Variants in ATP1A3 observed in about 807,000 individuals in gnomAD.
The protein encoded by ATP1A3 is ATPase Na+/K+ transporting subunit alpha 3.
In ATP1A3, 12 loss-of-function variants were observed where a neutral mutation model predicts 108.8. That is an observed-to-expected ratio of 0.11 (90% CI 0.07 to 0.18). The LOEUF is 0.18. Among genes scored for constraint, ATP1A3 ranks in the 10% least tolerant of loss-of-function variants. The pLI, the probability that ATP1A3 is intolerant of heterozygous loss-of-function variation, is 1.00. For synonymous variants in ATP1A3, 539 were observed against 564.5 expected (o/e 0.95, Z 0.64); for missense variants, 498 against 1,387.7 (o/e 0.36, Z 10.19).
intron 16 of ATP1A3, among the ~76,000 whole-genome samples, chr19:41,971,900 A>G (rs914414451): frequency 6.6e-6 from 1 of 152,184 alleles, no homozygotes; most frequent in African/African-American, 2.4e-5. Context: ...CACTGTATGC[A>G]TGCCATATCT....
chr19:41,971,418 A>G (rs1307749152), intron 16 of ATP1A3, among the ~76,000 whole-genome samples: 2 of 152,120 alleles, frequency 1.3e-5, no homozygotes, highest in African/African-American at 4.8e-5. Flanking sequence ...AAAAGAGAGG[A>G]GGACTGTTTA....
Position 41,988,692 on chromosome 19 carries a change from T to C in ATP1A3, c.7-130A>G, listed in dbSNP as rs1382350265. ...TGCCCCTGCATCTCTGGGTGGGGGG[T>C]CTCTGTCTGCCTCTCGGGGTCTCCC... On this transcript the variant is annotated intron_variant, in intron 1 of 22. Transcript: ENST00000648268. This position sits in a 1 kb window ranked among gnomAD's most constrained non-coding sequence, Gnocchi z 5.3. 1 of 1,566,542 alleles carries C rather than the reference T, an allele frequency of 6.4e-7. No homozygotes were observed. The highest frequency in any genetic ancestry group is 8.6e-7 in the Non-Finnish European group (1 of 1,159,184).
rs879984755 is a variant in ATP1A3, at chr19:41,969,531, T to A, written c.2592A>T (p.Ala864=). 7 of 1,613,956 alleles carry A rather than the reference T, an allele frequency of 4.3e-6. No individual in the cohort carries two copies. The highest frequency in any genetic ancestry group is 5.9e-6 in the Non-Finnish European group (7 of 1,180,000). ...GGTTGCCGGGCAAGAAGCCATTTTC[T>A]GCCAGGATCACAAAGTAAGAGAAGA... ...GGFFSYFVIL[A]ENGFLPGNLV... Residue 864 remains alanine, a synonymous_variant, in exon 19 of 23, where the codon GCA becomes GCT. Coordinates refer to ENST00000648268, the MANE Select transcript of ATP1A3 (RefSeq NM_152296.5).
chr19:41,970,115 C>A, intron 18 of ATP1A3, 70 bp downstream of exon 18: 1 of 1,613,378 alleles, frequency 6.2e-7, no homozygotes. Flanking sequence ...TCCCAAGCAC[C>A]CACGGTGGGC....
At position 41,970,558 on chromosome 19, in the gene ATP1A3, G is replaced by A. The variant is rs149116776; in HGVS notation, c.2264-16C>T. 0.016 allele frequency: 25,448 copies of A among 1,613,742 alleles called. 231 individuals carry two copies. Among genetic ancestry groups the A allele is most frequent in the Non-Finnish European group, 0.018 (21,577 of 1,179,890 alleles). On this transcript the variant is annotated splice_polypyrimidine_tract_variant and intron_variant, in intron 16 of 22. Transcript: ENST00000648268. ...ATCAGGCGGCCTGTGGCACAGGCAG[G>A]CTCAGAGCAGGCGCCCATGCCAGGG...
At chr19:41,969,402 G>A (rs2075078316) in intron 19 of ATP1A3, 33 bp downstream of exon 19, 10 of 1,614,084 alleles carry the variant, frequency 6.2e-6, no homozygotes, top group Non-Finnish European at 7.6e-6. Flanking sequence ...GGATCTTACG[G>A]TGGGCAGAGA....
chr19:41,967,286 G>C lies in ATP1A3; in HGVS notation c.2976C>G (p.Asp992Glu). ...FPYSFLIFVYDEIRKLILRRN... is the reference protein window; with the variant it reads ...FPYSFLIFVYEEIRKLILRRN... ...TGCGCAGGATGAGTTTGCGGATTTC[G>C]TCGTAGACGAAGATGAGGAAACTGT... Residue 992 changes from aspartate to glutamate, a missense_variant, in exon 22 of 23, where the codon GAC becomes GAG. Asp to Glu is a conservative substitution (Grantham distance 45). Coordinates refer to ENST00000648268, the MANE Select transcript of ATP1A3 (RefSeq NM_152296.5). This position sits in a 1 kb window ranked among gnomAD's most constrained non-coding sequence, Gnocchi z 4.2. 6.2e-7 allele frequency: 1 copy of C among 1,613,656 alleles called. No individual in the cohort carries two copies.
rs552859745 is a variant in ATP1A3, at chr19:41,977,874, G to A, written c.1943+62C>T. ...GTGCAGAGGGAGGTTGGGGGGAAGC[G>A]GTCCCCCTGTGTCAACACCCTAGAG... On this transcript the variant is annotated intron_variant, in intron 14 of 22. Coordinates refer to ENST00000648268, the MANE Select transcript of ATP1A3 (RefSeq NM_152296.5). 1.1e-4 allele frequency: 173 copies of A among 1,589,382 alleles called. 2 individuals carry two copies. The highest frequency in any genetic ancestry group is 6.1e-4 in the South Asian group (54 of 89,028).
Position 41,972,804 on chromosome 19 carries a change from G to GGGAAGGAAGGAAGGAA in ATP1A3, c.2264-2278_2264-2263dup, listed in dbSNP as rs782125486. Reference sequence around the variant, plus strand: ...GGGGAGGGGGAAGGAAGGAAGGAAGGGGAAGGAAGGAAGGAAGGAAGGAAG... The same window carrying GGGAAGGAAGGAAGGAA: ...GGGGAGGGGGAAGGAAGGAAGGAAGGGGAAGGAAGGAAGGAAGGAAGGAAGGAAGGAAGGAAGGAAG... On this transcript the variant is annotated intron_variant, in intron 16 of 22. Coordinates refer to ENST00000648268, the MANE Select transcript of ATP1A3 (RefSeq NM_152296.5). Among the ~76,000 whole-genome samples the GGGAAGGAAGGAAGGAA allele has an allele frequency of 6.5e-3, 490 of 74,904 alleles. 5 individuals are homozygous for GGGAAGGAAGGAAGGAA. Among genetic ancestry groups the GGGAAGGAAGGAAGGAA allele is most frequent in the Non-Finnish European group, 7.6e-3 (288 of 37,962 alleles). 49.1% of individuals were successfully genotyped at this position (74,904 alleles called of 152,430 possible).
chr19:41,978,472 C>T lies in ATP1A3; in HGVS notation c.1630+134G>A. On this transcript the variant is annotated intron_variant, in intron 12 of 22. Coordinates refer to ENST00000648268, the MANE Select transcript of ATP1A3 (RefSeq NM_152296.5). The surrounding 1 kb of genome is among the most constrained non-coding windows in gnomAD (Gnocchi z 8.3). ...CATTTCCTAGGATACCTTCCCCTCT[C>T]ATCCATCCATTCATTCATTCATTCA... The T allele has an allele frequency of 2.0e-6, 3 of 1,484,390 alleles. No homozygotes were observed. The highest frequency in any genetic ancestry group is 1.8e-6 in the Non-Finnish European group (2 of 1,084,882). 92.0% of individuals were successfully genotyped at this position (1,484,390 alleles called of 1,614,324 possible). A position where few individuals can be genotyped will look rare whatever the true frequency, so the allele number is the denominator to read the frequency against.
chr19:41,987,268 C>T (rs1366005161), intron 4 of ATP1A3, among the ~76,000 whole-genome samples: 2 of 152,190 alleles, frequency 1.3e-5, no homozygotes, highest in Non-Finnish European at 2.9e-5. Flanking sequence ...TGAGGACACT[C>T]TCTGTGCCTG....
Position 41,966,707 on chromosome 19 carries a change from G to A in ATP1A3, c.*230C>T. The A allele has an allele frequency of 1.3e-6, 2 of 1,538,594 alleles. No individual in the cohort carries two copies. The highest frequency in any genetic ancestry group is 1.8e-6 in the Non-Finnish European group (2 of 1,139,586). On this transcript the variant is annotated 3_prime_UTR_variant, in exon 23 of 23. Coordinates refer to ENST00000648268, the MANE Select transcript of ATP1A3 (RefSeq NM_152296.5). ...GGGCGGGAGGAATGGATAGAGGGGT[G>A]AGGAGAGGGAGAGAAACTGACACAG...
intron 1 of ATP1A3, chr19:41,993,566 T>C (rs2075360740): frequency 3.2e-6 from 4 of 1,244,854 alleles, no homozygotes; most frequent in Non-Finnish European, 4.4e-6. Context: ...AGTCCCCCCA[T>C]CCAGGCCTGG....
At chr19:41,979,506 T>C (rs533460290) in intron 11 of ATP1A3, among the ~76,000 whole-genome samples, 1 of 151,896 alleles carries the variant, frequency 6.6e-6, no homozygotes, top group Admixed American at 6.6e-5. Flanking sequence ...ATGCTCTCCC[T>C]ATGTTGCCCA....
intron 18 of ATP1A3, among the ~76,000 whole-genome samples, chr19:41,969,905 C>T (rs1026525177): frequency 3.3e-5 from 5 of 152,208 alleles, no homozygotes; most frequent in Non-Finnish European, 7.4e-5. Context: ...GCAGGAATGA[C>T]CTCCCTGGGC....
At chr19:41,977,857 G>A (rs1434774622) in intron 14 of ATP1A3, 79 bp downstream of exon 14, 1 of 1,572,228 alleles carries the variant, frequency 6.4e-7, no homozygotes, top group African/African-American at 1.3e-5. Flanking sequence ...CAGTGCAGAG[G>A]GAGGTTGGGG....
In ATP1A3 at chr19:41,988,978, T is replaced by C. The variant is rs3760641; in HGVS notation, c.7-416A>G. Among the ~76,000 whole-genome samples, 334 of 152,318 alleles carry C rather than the reference T, an allele frequency of 2.2e-3. 12 individuals are homozygous for C. In the East Asian group the frequency reaches 0.054, roughly 24 times the overall value. On this transcript the variant is annotated intron_variant, in intron 1 of 22. Coordinates refer to ENST00000648268, the MANE Select transcript of ATP1A3 (RefSeq NM_152296.5). This position sits in a 1 kb window ranked among gnomAD's most constrained non-coding sequence, Gnocchi z 5.3. ...TTCGTTTTTTGAAACAATGTCTCAC[T>C]CTGATGCCCAGGCTGGAGTGCAGCA...
chr19:41,976,628 C>T (rs2075173950), intron 14 of ATP1A3, 62 bp from the exon 15 acceptor site: 2 of 1,606,824 alleles, frequency 1.2e-6, no homozygotes, highest in Non-Finnish European at 1.7e-6. Context: ...CAAAGTGATC[C>T]CTGAAAGACA....
At chr19:41,970,754 C>T (rs2075097010) in intron 16 of ATP1A3, among the ~76,000 whole-genome samples, 4 of 151,448 alleles carry the variant, frequency 2.6e-5, no homozygotes, top group South Asian at 2.1e-4. Flanking sequence ...GCCTCAGCCT[C>T]CCGAGTAGCT....
Sources: allele counts gnomAD v4.1 joint callset (sites outside exome capture counted in the v4.1 genomes callset), GRCh38; gene constraint gnomAD v4.1.1; non-coding constraint Gnocchi (gnomAD v3.1); transcripts MANE v1.5; gene names NCBI Gene and HGNC (gene_info 2026-07-23, HGNC 2026-07-21).